RPSA2: variants seen among roughly 807,000 people sequenced by gnomAD.
RPSA2 encodes the protein small ribosomal subunit protein uS2B.
the RPSA2 span, among the ~76,000 whole-genome samples, chr19:23,826,171 A>T: frequency 6.6e-6 from 1 of 151,530 alleles, no homozygotes; most frequent in Non-Finnish European, 1.5e-5. Context: ...ACAAGTACTA[A>T]TTTTTAATTT....
the RPSA2 span, among the ~76,000 whole-genome samples, chr19:23,768,781 T>G: frequency 6.7e-6 from 1 of 148,970 alleles, no homozygotes; most frequent in African/African-American, 2.5e-5. Flanking sequence ...AGAGACAGGG[T>G]TTCACCATGT....
the RPSA2 span, chr19:23,832,277 A>T: frequency 7.1e-5 from 32 of 452,324 alleles, no homozygotes; most frequent in Non-Finnish European, 1.2e-4. Context: ...ACGAAACATA[A>T]GAGAATTCAT....
At chr19:23,865,485 G>T in the RPSA2 span, among the ~76,000 whole-genome samples, 3 of 152,122 alleles carry the variant, frequency 2.0e-5, no homozygotes, top group African/African-American at 7.2e-5. Flanking sequence ...GGTTTGGTTC[G>T]CATGGTCCTA....
At chr19:23,846,757 T>C in the RPSA2 span, among the ~76,000 whole-genome samples, 1 of 152,240 alleles carries the variant, frequency 6.6e-6, no homozygotes, top group Non-Finnish European at 1.5e-5. Flanking sequence ...TATTTATAAA[T>C]GACTAGATGC....
At chr19:23,775,329 T>C in the RPSA2 span, among the ~76,000 whole-genome samples, 1 of 152,152 alleles carries the variant, frequency 6.6e-6, no homozygotes. Context: ...AGGTGGTGAC[T>C]TATTAATAAG....
chr19:23,766,422 A>G, the RPSA2 span, among the ~76,000 whole-genome samples: 14 of 150,526 alleles, frequency 9.3e-5, 1 homozygote, highest in South Asian at 2.5e-3. Context: ...ACAAGTGTGT[A>G]AACAGTTAAG....
the RPSA2 span, among the ~76,000 whole-genome samples, chr19:23,760,104 G>T: frequency 6.6e-6 from 1 of 152,146 alleles, no homozygotes; most frequent in African/African-American, 2.4e-5. Context: ...AGCACAGGAG[G>T]TTCCTAAGCT....
chr19:23,781,670 C>G, the RPSA2 span, among the ~76,000 whole-genome samples: 2 of 152,266 alleles, frequency 1.3e-5, no homozygotes, highest in African/African-American at 4.8e-5. Flanking sequence ...GAAATTGAGG[C>G]TCTCATGCAC....
At chr19:23,761,931 TTTTTGA>T in the RPSA2 span, among the ~76,000 whole-genome samples, 53 of 61,698 alleles carry the variant, frequency 8.6e-4, 2 homozygotes, top group Middle Eastern at 0.013. Flanking sequence ...TTTTTTTTTT[TTTTTGA>T]GATGGAGTCT....
the RPSA2 span, among the ~76,000 whole-genome samples, chr19:23,781,273 C>G: frequency 6.6e-6 from 1 of 151,334 alleles, no homozygotes; most frequent in East Asian, 2.0e-4. Context: ...TGCGTGGCCT[C>G]GGGTTAGTGA....
chr19:23,758,966 G>A, the RPSA2 span: 1 of 609,340 alleles, frequency 1.6e-6, no homozygotes, highest in Non-Finnish European at 2.9e-6. Flanking sequence ...CCAGCCCAGC[G>A]TCCCTGACTG....
At chr19:23,840,395 C>T in the RPSA2 span, among the ~76,000 whole-genome samples, 14 of 152,130 alleles carry the variant, frequency 9.2e-5, no homozygotes, top group Non-Finnish European at 1.6e-4. Flanking sequence ...CCTTTGTTGA[C>T]AGATCAGCCT....
chr19:23,810,287 G>C, the RPSA2 span, among the ~76,000 whole-genome samples: 1 of 151,638 alleles, frequency 6.6e-6, no homozygotes, highest in Admixed American at 6.6e-5. Context: ...CCAGCTACTC[G>C]GGAGGCTGAG....
the RPSA2 span, among the ~76,000 whole-genome samples, chr19:23,854,545 G>A: frequency 1.3e-5 from 2 of 152,286 alleles, no homozygotes; most frequent in East Asian, 3.9e-4. Context: ...CCTGCTTTCT[G>A]TTTCCCTGGT....
the RPSA2 span, chr19:23,808,742 C>G: frequency 2.5e-6 from 2 of 795,658 alleles, no homozygotes; most frequent in African/African-American, 3.6e-5. Flanking sequence ...TAAGCCAGAC[C>G]TGATCACCTA....
chr19:23,833,160 TG>T, the RPSA2 span: 1 of 1,195,172 alleles, frequency 8.4e-7, no homozygotes, highest in Non-Finnish European at 1.1e-6. Flanking sequence ...AATGTGCCAA[TG>T]CCTTTTCCTG....
At chr19:23,792,472 A>T in the RPSA2 span, among the ~76,000 whole-genome samples, 1 of 152,158 alleles carries the variant, frequency 6.6e-6, no homozygotes, top group East Asian at 1.9e-4. Context: ...TGGAGTTGTT[A>T]TTGTTTTGAG....
the RPSA2 span, among the ~76,000 whole-genome samples, chr19:23,866,787 T>A: frequency 6.6e-6 from 1 of 152,134 alleles, no homozygotes; most frequent in African/African-American, 2.4e-5. Flanking sequence ...CCACCAGAGA[T>A]AGAATTACAT....
At chr19:23,841,286 A>G in the RPSA2 span, among the ~76,000 whole-genome samples, 1 of 152,032 alleles carries the variant, frequency 6.6e-6, no homozygotes, top group Non-Finnish European at 1.5e-5. Context: ...AACATGGTGA[A>G]ACCCCGTCTC....
Sources: gnomAD v4.1 joint callset for allele counts (sites outside exome capture counted in the v4.1 genomes callset) on GRCh38, gnomAD v4.1.1 for gene constraint, MANE v1.5 for transcripts, NCBI Gene and HGNC (gene_info 2026-07-23, HGNC 2026-07-21) for gene names.